Variants in TRPC1 observed in about 807,000 individuals in gnomAD.
TRPC1 encodes short transient receptor potential channel 1.
A neutral mutation model predicts 88.2 loss-of-function variants in TRPC1; 42 were observed. That is an observed-to-expected ratio of 0.48 (90% CI 0.37 to 0.62). The LOEUF is 0.62. Ranked by LOEUF, TRPC1 falls within the 20% of genes least tolerant of loss-of-function variation. The pLI is 0.00. For missense variants in TRPC1, 699 were observed against 957.3 expected (o/e 0.73, Z 3.56); for synonymous variants, 288 against 331.8 (o/e 0.87, Z 1.43).
At chr3:142,735,608 G>A (rs1934102391) in intron 1 of TRPC1, among the ~76,000 whole-genome samples, 1 of 152,094 alleles carries the variant, frequency 6.6e-6, no homozygotes, top group Admixed American at 6.5e-5. Flanking sequence ...TGCTGTAATT[G>A]TTGTCATTTC....
At chr3:142,800,241 C>T (rs1936577200) in intron 9 of TRPC1, among the ~76,000 whole-genome samples, 1 of 152,132 alleles carries the variant, frequency 6.6e-6, no homozygotes. Flanking sequence ...TTCTAAGTGT[C>T]CCCTGCTTCT....
intron 7 of TRPC1, among the ~76,000 whole-genome samples, chr3:142,786,350 A>C (rs1936133068): frequency 6.6e-6 from 1 of 152,134 alleles, no homozygotes; most frequent in African/African-American, 2.4e-5. Context: ...TAGCTATACA[A>C]ATACTTTTTA....
chr3:142,733,115 T>G (rs972534795), intron 1 of TRPC1, among the ~76,000 whole-genome samples: 1 of 144,398 alleles, frequency 6.9e-6, no homozygotes, highest in African/African-American at 2.6e-5. Flanking sequence ...TGTAGCAGGG[T>G]GGAACCTTTT....
At position 142,806,338 on chromosome 3, in the gene TRPC1, A is replaced by G. The variant is rs1936794223; in HGVS notation, c.*103A>G. Reference sequence around the variant, plus strand: ...AATGAGATATATATTGAAATAAAGAATTATGTAAAAGCCATTCTTTAAAAT... The same window carrying G: ...AATGAGATATATATTGAAATAAAGAGTTATGTAAAAGCCATTCTTTAAAAT... On this transcript the variant is annotated 3_prime_UTR_variant, in exon 13 of 13. Transcript: ENST00000476941. 4.6e-6 allele frequency: 4 copies of G among 874,842 alleles called. No individual in the cohort carries two copies. 54.2% of individuals were successfully genotyped at this position (874,842 alleles called of 1,614,324 possible). A position where few individuals can be genotyped will look rare whatever the true frequency, so the allele number is the denominator to read the frequency against.
chr3:142,785,533 G>A (rs564979389), intron 7 of TRPC1, among the ~76,000 whole-genome samples: 2 of 152,104 alleles, frequency 1.3e-5, no homozygotes, highest in South Asian at 4.2e-4. Context: ...ACAGAGTCTC[G>A]CTCTGTCGCC....
intron 9 of TRPC1, among the ~76,000 whole-genome samples, chr3:142,795,761 T>C (rs1936431710): frequency 6.6e-6 from 1 of 151,970 alleles, no homozygotes. Context: ...TAGGGGAATA[T>C]GGATCTAAAC....
chr3:142,737,884 G>A (rs1245744837), intron 2 of TRPC1, among the ~76,000 whole-genome samples: 1 of 152,116 alleles, frequency 6.6e-6, no homozygotes. Flanking sequence ...AGACACAAAA[G>A]CAGAAGACTT....
At chr3:142,790,597 AAAG>A (rs1286281190) in intron 7 of TRPC1, among the ~76,000 whole-genome samples, 1 of 151,426 alleles carries the variant, frequency 6.6e-6, no homozygotes, top group Non-Finnish European at 1.5e-5. Context: ...TAGGTAGAGA[AAAG>A]AAAAGGATCA....
chr3:142,725,770 TG>T (rs1202562889), intron 1 of TRPC1, among the ~76,000 whole-genome samples: 8 of 152,188 alleles, frequency 5.3e-5, no homozygotes, highest in African/African-American at 1.7e-4. Flanking sequence ...ACAGGATTTT[TG>T]TTTGTTTGTT....
chr3:142,804,660 TA>T, intron 12 of TRPC1, 30 bp downstream of exon 12: 3 of 1,556,836 alleles, frequency 1.9e-6, no homozygotes, highest in Non-Finnish European at 2.6e-6. Flanking sequence ...AATGGCAACA[TA>T]AAAGTTTTAA....
intron 6 of TRPC1, among the ~76,000 whole-genome samples, chr3:142,781,975 T>G (rs1935969812): frequency 6.6e-6 from 1 of 152,144 alleles, no homozygotes; most frequent in South Asian, 2.1e-4. Flanking sequence ...CTCACAAAGT[T>G]ATTAGGAAAT....
chr3:142,768,342 CTGT>C lies in TRPC1; in HGVS notation c.633-9285_633-9283del, dbSNP rs1391861421. ...TTTTTGCTTTGTATATTTTCAGGCT[CTGT>C]TGTTAGGTGCATATACATTTATAAT... is the stretch of plus-strand genomic sequence containing the variant. On this transcript the variant is annotated intron_variant, in intron 4 of 12. Transcript: ENST00000476941. 1.4e-4 allele frequency among the ~76,000 whole-genome samples: 21 copies of C among 152,180 alleles called. No individual in the cohort carries two copies. In the South Asian group the frequency reaches 1.9e-3, roughly 13 times the overall value.
chr3:142,780,152 T>C (rs1935913939), intron 5 of TRPC1, among the ~76,000 whole-genome samples: 2 of 152,160 alleles, frequency 1.3e-5, no homozygotes, highest in Admixed American at 6.5e-5. Flanking sequence ...CCAGCCGTAA[T>C]TGATATTTTT....
chr3:142,806,529 T>A lies in TRPC1; in HGVS notation c.*294T>A, dbSNP rs1272676453. The A allele has an allele frequency of 9.8e-6, 2 of 203,672 alleles. No individual in the cohort carries two copies. The highest frequency in any genetic ancestry group is 1.1e-4 in the Admixed American group (2 of 18,282). The allele number at this position is 203,672 out of a possible 1,614,324, so 12.6% of individuals were successfully genotyped here. ...GCTTTAAAATGTTTTTTTTTATGTT[T>A]AAGAGGGGCAGTTATAAATGGACAC... On this transcript the variant is annotated 3_prime_UTR_variant, in exon 13 of 13. Transcript: ENST00000476941.
At chr3:142,802,023 A>G (rs1936635334) in intron 9 of TRPC1, 146 bp from the exon 10 acceptor site, 2 of 452,500 alleles carry the variant, frequency 4.4e-6, no homozygotes, top group Non-Finnish European at 7.5e-6. Context: ...CGATGTTTTT[A>G]AAATGATCTG....
At chr3:142,798,278 A>T (rs1025021574) in intron 9 of TRPC1, among the ~76,000 whole-genome samples, 4 of 152,184 alleles carry the variant, frequency 2.6e-5, no homozygotes, top group Non-Finnish European at 4.4e-5. Flanking sequence ...TTAAGAAACT[A>T]AGAAAGTGGT....
chr3:142,766,481 A>G (rs1430171507), intron 4 of TRPC1, among the ~76,000 whole-genome samples: 1 of 151,364 alleles, frequency 6.6e-6, no homozygotes, highest in Non-Finnish European at 1.5e-5. Flanking sequence ...GCTCACTGCA[A>G]CTTCCACATC....
chr3:142,730,629 A>ATTTTG (rs1933865315), intron 1 of TRPC1, among the ~76,000 whole-genome samples: 2 of 148,966 alleles, frequency 1.3e-5, no homozygotes, highest in African/African-American at 2.5e-5. Flanking sequence ...TTCCTTTTTA[A>ATTTTG]AATTTGGTTC....
In TRPC1 at chr3:142,784,809, A is replaced by G; in HGVS notation, c.1066A>G (p.Thr356Ala). 1.2e-6 allele frequency: 2 copies of G among 1,614,148 alleles called. No homozygotes were observed. The highest frequency in any genetic ancestry group is 1.7e-6 in the Non-Finnish European group (2 of 1,180,012). Residue 356 changes from threonine to alanine, a missense_variant, in exon 7 of 13, where the codon ACA becomes GCA. Thr to Ala is a moderately conservative substitution (Grantham distance 58). Coordinates refer to ENST00000476941, the MANE Select transcript of TRPC1 (RefSeq NM_001251845.2). ...PTCKKIMTVL[T>A]VGIFWPVLSL... ...CTGTAAGAAGATAATGACTGTTTTG[A>G]CAGTAGGCATCTTTTGGCCAGTTTT... is the stretch of plus-strand genomic sequence containing the variant.
Sources: allele counts gnomAD v4.1 joint callset (sites outside exome capture counted in the v4.1 genomes callset), GRCh38; gene constraint gnomAD v4.1.1; transcripts MANE v1.5; gene names NCBI Gene and HGNC (gene_info 2026-07-23, HGNC 2026-07-21).